Variants in MIA2 observed in about 807,000 individuals in gnomAD.
MIA2 encodes melanoma inhibitory activity protein 2.
MIA2 carries 127 observed loss-of-function variants against 167.8 expected under a neutral mutation model. The ratio of observed to expected loss-of-function variants is 0.76; its 90% CI spans 0.66 to 0.88. MIA2 has a LOEUF of 0.88. MIA2 is among the 40% of genes least tolerant of loss of function. The pLI, the probability that MIA2 is intolerant of heterozygous loss-of-function variation, is 0.00. For missense variants in MIA2, 1,690 were observed against 1,624.7 expected, an observed-to-expected ratio of 1.04 and a Z score of -0.69; for synonymous variants, 552 against 541.9, an observed-to-expected ratio of 1.02 and a Z score of -0.26.
intron 23 of MIA2, among the ~76,000 whole-genome samples, chr14:39,383,144 C>T (rs1298640366): frequency 1.3e-5 from 2 of 152,070 alleles, no homozygotes; most frequent in Non-Finnish European, 2.9e-5. Context: ...TTCATTGTGC[C>T]TCACAGATAC....
At chr14:39,330,828 A>T (rs984285916) in intron 25 of MIA2, among the ~76,000 whole-genome samples, 1 of 151,700 alleles carries the variant, frequency 6.6e-6, no homozygotes, top group East Asian at 1.9e-4. Context: ...GGTGTGAGGG[A>T]CTGTTATGAT....
chr14:39,383,016 T>C (rs1036520255), intron 23 of MIA2, among the ~76,000 whole-genome samples: 4 of 150,034 alleles, frequency 2.7e-5, no homozygotes, highest in African/African-American at 7.4e-5. Context: ...GTAGGCCTTC[T>C]GTGGGTCCTG....
chr14:39,286,696 C>CTTTTTTTTTTTTTTTTT (rs35159773), intron 9 of MIA2, among the ~76,000 whole-genome samples: 1 of 142,690 alleles, frequency 7.0e-6, no homozygotes. Flanking sequence ...TTCCTTCTTA[C>CTTTTTTTTTTTTTTTTT]TTTTTTTTTT....
chr14:39,250,664 C>G (rs1485661513), intron 4 of MIA2, among the ~76,000 whole-genome samples: 1 of 150,016 alleles, frequency 6.7e-6, no homozygotes, highest in Non-Finnish European at 1.5e-5. Flanking sequence ...CCACTGCACT[C>G]CAGCCTGGGC....
At chr14:39,380,679 G>A (rs1471207766) in intron 23 of MIA2, among the ~76,000 whole-genome samples, 5 of 120,978 alleles carry the variant, frequency 4.1e-5, no homozygotes, top group African/African-American at 6.6e-5. Flanking sequence ...GCGACAGAGC[G>A]AGACTCAGAC....
At chr14:39,236,258 T>A in intron 1 of MIA2, among the ~76,000 whole-genome samples, 1 of 152,136 alleles carries the variant, frequency 6.6e-6, no homozygotes, top group East Asian at 1.9e-4. Context: ...CGCAGTAGGC[T>A]GGAATAATCA....
chr14:39,244,429 T>TA (rs1183635829), intron 3 of MIA2, among the ~76,000 whole-genome samples: 1 of 152,134 alleles, frequency 6.6e-6, no homozygotes, highest in Non-Finnish European at 1.5e-5. Flanking sequence ...AGAAAGATCA[T>TA]AAAATTCACC....
At chr14:39,361,591 A>G (rs1240736167) in intron 23 of MIA2, among the ~76,000 whole-genome samples, 1 of 152,008 alleles carries the variant, frequency 6.6e-6, no homozygotes, top group African/African-American at 2.4e-5. Context: ...GATGTGTGCC[A>G]CCACGCCTGG....
chr14:39,366,570 G>A (rs557677879), intron 23 of MIA2, among the ~76,000 whole-genome samples: 59 of 152,300 alleles, frequency 3.9e-4, no homozygotes, highest in African/African-American at 1.3e-3. Context: ...CAGGCCCCTA[G>A]GAGGAGTGCA....
intron 25 of MIA2, among the ~76,000 whole-genome samples, chr14:39,343,725 G>A (rs933303476): frequency 1.3e-5 from 2 of 152,000 alleles, no homozygotes; most frequent in Admixed American, 6.5e-5. Flanking sequence ...CTTACTTTCT[G>A]TAGTTCAGTT....
chr14:39,333,541 A>G (rs1034021891), intron 25 of MIA2, among the ~76,000 whole-genome samples: 2 of 151,972 alleles, frequency 1.3e-5, no homozygotes, highest in Non-Finnish European at 2.9e-5. Context: ...GGCTCTGTGT[A>G]CTTGTTCTTC....
At position 39,345,992 on chromosome 14, in the gene MIA2, C is replaced by T. The variant is rs1394780498; in HGVS notation, c.3744C>T (p.Leu1248=). The change falls in exon 26 of 29, where the codon CTC becomes CTT. Residue 1248 remains leucine (L), a synonymous_variant. Transcript: ENST00000640607. The stretch of plus-strand genomic sequence containing the variant: ...GTAGACTGTCTGGACCAGCAGAACT[C>T]AGAAGTTTTAATATGCCTTCTTTGG... ...NSGRLSGPAE[L]RSFNMPSLDK... 1.2e-6 allele frequency: 2 copies of T among 1,612,480 alleles called. No individual in the cohort carries two copies. The highest frequency in any genetic ancestry group is 1.1e-5 in the South Asian group (1 of 90,994).
chr14:39,252,300 A>G (rs1376859009), intron 4 of MIA2, among the ~76,000 whole-genome samples: 1 of 152,152 alleles, frequency 6.6e-6, no homozygotes, highest in Non-Finnish European at 1.5e-5. Context: ...TTACAAGGCT[A>G]CTTATAAGAG....
chr14:39,280,739 A>G (rs1211378498), intron 9 of MIA2, among the ~76,000 whole-genome samples: 1 of 151,660 alleles, frequency 6.6e-6, no homozygotes, highest in Non-Finnish European at 1.5e-5. Context: ...CTCAAAACAA[A>G]CAAACAAACA....
chr14:39,291,181 T>G, intron 10 of MIA2, 85 bp downstream of exon 10: 1 of 1,223,704 alleles, frequency 8.2e-7, no homozygotes, highest in East Asian at 2.5e-5. Flanking sequence ...TTCTGAAAAC[T>G]ATTTGAAAAA....
intron 24 of MIA2, among the ~76,000 whole-genome samples, chr14:39,325,098 C>CTG (rs1478763882): frequency 6.6e-6 from 1 of 152,022 alleles, no homozygotes; most frequent in Non-Finnish European, 1.5e-5. Context: ...TGGCACATGC[C>CTG]TGTTGTCCCA....
At chr14:39,314,184 G>A (rs1469529039) in intron 19 of MIA2, among the ~76,000 whole-genome samples, 1 of 151,956 alleles carries the variant, frequency 6.6e-6, no homozygotes, top group African/African-American at 2.4e-5. Flanking sequence ...TCAGGAATTC[G>A]AGCCCAGCCT....
intron 22 of MIA2, among the ~76,000 whole-genome samples, 200 bp from the exon 23 acceptor site, chr14:39,319,009 C>T (rs879059190): frequency 2.0e-5 from 3 of 152,088 alleles, no homozygotes; most frequent in African/African-American, 7.2e-5. Flanking sequence ...ATCACTATCT[C>T]TAGGGCAGCA....
chr14:39,370,334 A>AG (rs1247037250), intron 23 of MIA2: 5 of 191,052 alleles, frequency 2.6e-5, no homozygotes, highest in African/African-American at 1.2e-4. Context: ...TTTATCTAAA[A>AG]GGGTGAAGTA....
Sources: gnomAD v4.1 joint callset for allele counts (sites outside exome capture counted in the v4.1 genomes callset) on GRCh38, gnomAD v4.1.1 for gene constraint, MANE v1.5 for transcripts, NCBI Gene and HGNC (gene_info 2026-07-23, HGNC 2026-07-21) for gene names.